Variants in RBFOX1 observed in about 807,000 individuals in gnomAD.
The protein encoded by RBFOX1 is RNA binding fox-1 homolog 1.
In RBFOX1, 8 loss-of-function variants were observed where a neutral mutation model predicts 57.7. The ratio of observed to expected loss-of-function variants is 0.14; its 90% CI spans 0.08 to 0.25. The LOEUF (loss-of-function observed/expected upper bound fraction) is 0.25, where lower values mean the gene tolerates loss of function less well. Among genes scored for constraint, RBFOX1 ranks in the 10% least tolerant of loss-of-function variants. RBFOX1 has a pLI of 1.00. For missense variants in RBFOX1, 611 were observed against 548.5 expected (o/e 1.11, Z -1.14); for synonymous variants, 326 against 222.4 (o/e 1.47, Z -4.15).
At chr16:5,548,334 A>G (rs1033780814) in intron 2 of RBFOX1, among the ~76,000 whole-genome samples, 11 of 151,538 alleles carry the variant, frequency 7.3e-5, no homozygotes, top group Admixed American at 7.3e-4. Context: ...GTCATGCAAT[A>G]TACTTGAGTA....
chr16:7,334,113 C>G (rs764760294), intron 4 of RBFOX1, among the ~76,000 whole-genome samples: 4 of 152,158 alleles, frequency 2.6e-5, no homozygotes, highest in Non-Finnish European at 4.4e-5. Flanking sequence ...ATTCTGGTCA[C>G]TTTTCCCCCT....
chr16:6,873,197 T>G (rs2061254717), intron 3 of RBFOX1, among the ~76,000 whole-genome samples: 2 of 151,040 alleles, frequency 1.3e-5, no homozygotes, highest in African/African-American at 4.9e-5. Context: ...AAACGAGGAG[T>G]AGAGATTTTT....
At chr16:7,179,977 A>G (rs115804548) in intron 4 of RBFOX1, among the ~76,000 whole-genome samples, 1,722 of 152,036 alleles carry the variant, frequency 0.011, 37 homozygotes, top group African/African-American at 0.039. Context: ...TCCTGACCTC[A>G]AGTGATCTGC....
At chr16:6,579,659 C>T (rs1440194559) in intron 2 of RBFOX1, among the ~76,000 whole-genome samples, 2 of 152,212 alleles carry the variant, frequency 1.3e-5, no homozygotes, top group African/African-American at 4.8e-5. Context: ...CCATGCTGAA[C>T]TGTGAGTCAG....
intron 4 of RBFOX1, among the ~76,000 whole-genome samples, chr16:7,446,761 A>C (rs1475038501): frequency 4.2e-5 from 6 of 142,740 alleles, no homozygotes; most frequent in Admixed American, 1.4e-4. Flanking sequence ...ACTTAAGCTC[A>C]CGTTTTCCTA....
At chr16:6,469,342 C>G (rs1273465754) in intron 2 of RBFOX1, among the ~76,000 whole-genome samples, 1 of 152,140 alleles carries the variant, frequency 6.6e-6, no homozygotes, top group East Asian at 1.9e-4. Context: ...ATCCCACTGA[C>G]AATCCCTCTG....
At chr16:7,543,466 A>G (rs1471535290) in intron 5 of RBFOX1, among the ~76,000 whole-genome samples, 1 of 152,190 alleles carries the variant, frequency 6.6e-6, no homozygotes, top group Non-Finnish European at 1.5e-5. Flanking sequence ...TAACACCTGA[A>G]TTGGAAAACT....
intron 3 of RBFOX1, among the ~76,000 whole-genome samples, chr16:6,852,536 C>G (rs1420716726): frequency 6.6e-6 from 1 of 152,218 alleles, no homozygotes. Context: ...CAGAAATTAA[C>G]TTTGGCGAGA....
At chr16:5,721,607 A>G (rs576804935) in intron 3 of RBFOX1, among the ~76,000 whole-genome samples, 2 of 152,278 alleles carry the variant, frequency 1.3e-5, no homozygotes, top group African/African-American at 4.8e-5. Context: ...GAGTGTTTTC[A>G]TAGATTCCCT....
chr16:6,464,542 G>T (rs149424594), intron 2 of RBFOX1, among the ~76,000 whole-genome samples: 1 of 152,320 alleles, frequency 6.6e-6, no homozygotes, highest in East Asian at 1.9e-4. Flanking sequence ...GTCTAGTTAT[G>T]CATTTGCCTG....
intron 3 of RBFOX1, among the ~76,000 whole-genome samples, chr16:6,835,579 C>T (rs995887917): frequency 6.6e-6 from 1 of 151,452 alleles, no homozygotes; most frequent in Non-Finnish European, 1.5e-5. Flanking sequence ...TGGTAAAACC[C>T]CATCTCTACC....
intron 1 of RBFOX1, among the ~76,000 whole-genome samples, chr16:5,446,979 A>G (rs1001016563): frequency 6.6e-6 from 1 of 152,148 alleles, no homozygotes; most frequent in African/African-American, 2.4e-5. Context: ...TGAGGAGTCA[A>G]TGGGATAAGT....
chr16:6,067,371 A>G (rs925365547), intron 1 of RBFOX1, among the ~76,000 whole-genome samples: 1 of 20,820 alleles, frequency 4.8e-5, no homozygotes, highest in Non-Finnish European at 8.7e-5. Context: ...AATAGAGGCA[A>G]AAACAAACCA....
chr16:7,290,974 G>A (rs1176338206), intron 4 of RBFOX1, among the ~76,000 whole-genome samples: 1 of 152,168 alleles, frequency 6.6e-6, no homozygotes, highest in Non-Finnish European at 1.5e-5. Flanking sequence ...ATACAAGAAT[G>A]CACATTTCAT....
chr16:6,637,548 C>CACAGTATATATAATAGTCTAT, intron 2 of RBFOX1, among the ~76,000 whole-genome samples: 1 of 9,640 alleles, frequency 1.0e-4, no homozygotes, highest in Non-Finnish European at 3.8e-4. Flanking sequence ...ATACAATCTG[C>CACAGTATATATAATAGTCTAT]ATAGTATATA....
chr16:6,164,628 G>A (rs1235521499), intron 1 of RBFOX1, among the ~76,000 whole-genome samples: 2 of 151,492 alleles, frequency 1.3e-5, no homozygotes, highest in African/African-American at 4.9e-5. Context: ...CACCACACCT[G>A]GTAAATTTTT....
At chr16:5,353,388 G>A (rs1347415357) in intron 1 of RBFOX1, among the ~76,000 whole-genome samples, 1 of 138,724 alleles carries the variant, frequency 7.2e-6, no homozygotes, top group Non-Finnish European at 1.6e-5. Flanking sequence ...AAAAAAAAAA[G>A]ACTTCTTTGC....
intron 3 of RBFOX1, among the ~76,000 whole-genome samples, chr16:6,932,636 C>G (rs1185386763): frequency 6.6e-6 from 1 of 152,198 alleles, no homozygotes; most frequent in Non-Finnish European, 1.5e-5. Context: ...CATCTAGCCC[C>G]AGGCATCTTT....
chr16:7,445,750 G>C (rs1349185538), intron 4 of RBFOX1, among the ~76,000 whole-genome samples: 1 of 152,146 alleles, frequency 6.6e-6, no homozygotes, highest in African/African-American at 2.4e-5. Flanking sequence ...GTCTTTTCAC[G>C]CGGGTGACGT....
Sources: gnomAD v4.1 joint callset for allele counts (sites outside exome capture counted in the v4.1 genomes callset) on GRCh38, gnomAD v4.1.1 for gene constraint, MANE v1.5 for transcripts, NCBI Gene and HGNC (gene_info 2026-07-23, HGNC 2026-07-21) for gene names.